Variants in MATN2 observed in about 807,000 individuals in gnomAD.
The protein encoded by MATN2 is matrilin 2.
A neutral mutation model predicts 103.2 loss-of-function variants in MATN2; 69 were observed. The ratio of observed to expected loss-of-function variants is 0.67; its 90% CI spans 0.55 to 0.82. The LOEUF is 0.82. MATN2 is among the 40% of genes least tolerant of loss of function. The pLI is 0.00. For missense variants in MATN2, 1,023 were observed against 1,211.5 expected (o/e 0.84, Z 2.31); for synonymous variants, 429 against 450.2 (o/e 0.95, Z 0.60).
At chr8:97,980,277 A>T (rs770939411) in intron 6 of MATN2, among the ~76,000 whole-genome samples, 4 of 152,228 alleles carry the variant, frequency 2.6e-5, no homozygotes, top group Non-Finnish European at 5.9e-5. Context: ...TAAATGAATG[A>T]GTGGGCTGCT....
intron 6 of MATN2, among the ~76,000 whole-genome samples, chr8:97,989,468 C>CAAAAAA (rs34047188): frequency 7.7e-6 from 1 of 129,772 alleles, no homozygotes; most frequent in African/African-American, 3.0e-5. Context: ...GACTCCATCT[C>CAAAAAA]AAAAAAAAAA....
chr8:98,013,386 A>G (rs552069500), intron 10 of MATN2, among the ~76,000 whole-genome samples: 12 of 152,356 alleles, frequency 7.9e-5, no homozygotes, highest in African/African-American at 2.9e-4. Flanking sequence ...CACACATCCC[A>G]TGGGGTTCTT....
chr8:97,890,464 CAA>C (rs553728394), intron 2 of MATN2, among the ~76,000 whole-genome samples: 25 of 84,236 alleles, frequency 3.0e-4, no homozygotes, highest in Admixed American at 5.6e-4. Flanking sequence ...GACTCTGTCT[CAA>C]AAAAAAAAAA....
intron 2 of MATN2, among the ~76,000 whole-genome samples, chr8:97,901,415 G>A (rs574106944): frequency 1.3e-5 from 2 of 152,174 alleles, no homozygotes; most frequent in South Asian, 4.1e-4. Flanking sequence ...ACCACACCAG[G>A]CTACTTTTTG....
chr8:97,998,447 G>A (rs1345343362), intron 7 of MATN2, among the ~76,000 whole-genome samples: 2 of 149,342 alleles, frequency 1.3e-5, no homozygotes, highest in Non-Finnish European at 3.0e-5. Flanking sequence ...GCGTGAACCT[G>A]GGAGGCGGAG....
intron 1 of MATN2, among the ~76,000 whole-genome samples, chr8:97,883,087 C>T (rs984179258): frequency 7.9e-5 from 12 of 151,864 alleles, no homozygotes; most frequent in South Asian, 4.1e-4. Context: ...GCAGATTGCC[C>T]GACGTCAGGA....
chr8:97,923,707 C>T (rs1175164884), intron 2 of MATN2, among the ~76,000 whole-genome samples: 1 of 152,160 alleles, frequency 6.6e-6, no homozygotes, highest in African/African-American at 2.4e-5. Flanking sequence ...CAGGCGCCTG[C>T]CACCACGGCC....
intron 7 of MATN2, among the ~76,000 whole-genome samples, chr8:98,003,321 G>A (rs1812847883): frequency 6.6e-6 from 1 of 151,854 alleles, no homozygotes; most frequent in Non-Finnish European, 1.5e-5. Flanking sequence ...CCTCCTGTTG[G>A]CCTTATCTCT....
chr8:97,939,771 T>C (rs1586069230), intron 3 of MATN2, among the ~76,000 whole-genome samples: 3 of 152,320 alleles, frequency 2.0e-5, no homozygotes, highest in Admixed American at 1.3e-4. Context: ...TTTTAGTGAG[T>C]AGGCAAATTC....
rs1236057385 is a variant in MATN2, at chr8:97,985,859, C to T, written c.1081+6851C>T. Among the ~76,000 whole-genome samples the T allele has an allele frequency of 3.3e-5, 5 of 152,320 alleles. No individual in the cohort carries two copies. The East Asian group carries it at 7.7e-4, about 24-fold the overall frequency. On this transcript the variant is annotated intron_variant, in intron 6 of 18. Transcript: ENST00000254898. ...TTGAGATTATAGGCGCACACTACTG[C>T]ACCTAGCTGATAACCATTGTTTATG...
chr8:98,019,461 A>G (rs1295516867), intron 12 of MATN2, among the ~76,000 whole-genome samples: 1 of 152,186 alleles, frequency 6.6e-6, no homozygotes, highest in Non-Finnish European at 1.5e-5. Flanking sequence ...AGGCCCATCT[A>G]CATTATAGAG....
In MATN2 at chr8:97,901,490, T is replaced by G. The variant is rs541191265; in HGVS notation, c.142+13248T>G. ...CTGGTCTTGAACTCCTGACCTCAGG[T>G]GATCCACCCACCTTGACCTCCCAAA... is the stretch of plus-strand genomic sequence containing the variant. On this transcript the variant is annotated intron_variant, in intron 2 of 18. Coordinates refer to ENST00000254898, the MANE Select transcript of MATN2 (RefSeq NM_002380.5). 1.3e-3 allele frequency among the ~76,000 whole-genome samples: 204 copies of G among 152,268 alleles called. 4 individuals are homozygous for G. The South Asian group carries it at 0.029, about 22-fold the overall frequency.
rs1813979246 is a variant in MATN2, at chr8:98,030,614, G to A, written c.2509G>A (p.Ala837Thr). 1.9e-6 allele frequency: 3 copies of A among 1,613,084 alleles called. No homozygotes were observed. Among genetic ancestry groups the A allele is most frequent in the South Asian group, 1.1e-5 (1 of 90,916 alleles). ...SEKLKKGICE[A>T]LEDSDGRQDS... ...AAAACTCAAGAAAGGCATCTGTGAAGGTACTATAGCTTACGCCGAAGACCT... is the reference window on the plus strand; with the variant it reads ...AAAACTCAAGAAAGGCATCTGTGAAAGTACTATAGCTTACGCCGAAGACCT... The change falls in exon 15 of 19, where the codon GCT (alanine) becomes ACT (threonine). Residue 837 changes from alanine (A) to threonine (T), a missense_variant and splice_region_variant. Physicochemically the swap from Ala to Thr is moderately conservative, Grantham distance 58. Transcript: ENST00000254898.
chr8:97,957,011 T>G (rs2512032), intron 4 of MATN2, among the ~76,000 whole-genome samples: 80,144 of 152,068 alleles, frequency 0.53, 21,630 homozygotes, highest in East Asian at 0.78. Flanking sequence ...AAACTGACCC[T>G]CTTATAATGG....
At chr8:97,872,696 A>C (rs1187376231) in intron 1 of MATN2, among the ~76,000 whole-genome samples, 3 of 151,782 alleles carry the variant, frequency 2.0e-5, no homozygotes, top group Non-Finnish European at 2.9e-5. Flanking sequence ...CCTTCTCCCC[A>C]TCCTGACTCT....
At chr8:97,920,267 G>C (rs964904617) in intron 2 of MATN2, among the ~76,000 whole-genome samples, 5 of 152,140 alleles carry the variant, frequency 3.3e-5, no homozygotes, top group African/African-American at 1.2e-4. Context: ...TAGTGTAGGG[G>C]CGTGATCTCG....
intron 15 of MATN2, chr8:98,032,014 T>C (rs1814040820): frequency 6.0e-6 from 2 of 333,818 alleles, no homozygotes; most frequent in African/African-American, 4.7e-5. Context: ...GGAGCATTCT[T>C]AAGATGTACT....
rs146155579 is a variant in MATN2 at position 97,980,914 on chromosome 8, C to T, written c.1081+1906C>T. 1.8e-3 allele frequency among the ~76,000 whole-genome samples: 268 copies of T among 152,188 alleles called. 1 individual carries two copies. Among genetic ancestry groups the T allele is most frequent in the African/African-American group, 5.9e-3 (247 of 41,552 alleles). On this transcript the variant is annotated intron_variant, in intron 6 of 18. Transcript: ENST00000254898. ...AAATGAGGCTGGGCACAGTGGCTCACGCCTGTAATCCCAGCACTTTGGGAA... is the reference window on the plus strand; with the variant it reads ...AAATGAGGCTGGGCACAGTGGCTCATGCCTGTAATCCCAGCACTTTGGGAA...
chr8:98,020,553 T>C (rs1041424358), intron 12 of MATN2, among the ~76,000 whole-genome samples: 8 of 152,250 alleles, frequency 5.3e-5, no homozygotes, highest in African/African-American at 1.9e-4. Flanking sequence ...CTTCTACCTC[T>C]GGAATTTGAT....
Sources: gnomAD v4.1 joint callset for allele counts (sites outside exome capture counted in the v4.1 genomes callset) on GRCh38, gnomAD v4.1.1 for gene constraint, MANE v1.5 for transcripts, NCBI Gene and HGNC (gene_info 2026-07-23, HGNC 2026-07-21) for gene names.